Variants in KCNIP4 observed in about 807,000 individuals in gnomAD.
KCNIP4 encodes the protein potassium voltage-gated channel interacting protein 4.
Under a neutral mutation model 34.0 loss-of-function variants are expected in KCNIP4, and 12 were observed. That is an observed-to-expected ratio of 0.35 (90% CI 0.23 to 0.57). The LOEUF (loss-of-function observed/expected upper bound fraction) is 0.57. KCNIP4 is among the 20% of genes least tolerant of loss of function. The pLI, the probability that KCNIP4 is intolerant of heterozygous loss-of-function variation, is 0.83. For synonymous variants in KCNIP4, 124 were observed against 102.2 expected, an observed-to-expected ratio of 1.21 and a Z score of -1.29; for missense variants, 238 against 311.7, an observed-to-expected ratio of 0.76 and a Z score of 1.78.
chr4:21,699,868 G>T (rs1283020146), intron 1 of KCNIP4, among the ~76,000 whole-genome samples: 1 of 152,132 alleles, frequency 6.6e-6, no homozygotes, highest in Admixed American at 6.6e-5. Context: ...CTGCCAGGGA[G>T]CAAGAGTGGA....
At chr4:21,314,362 T>C (rs1475137923) in intron 1 of KCNIP4, among the ~76,000 whole-genome samples, 2 of 152,260 alleles carry the variant, frequency 1.3e-5, no homozygotes, top group East Asian at 3.9e-4. Flanking sequence ...ACCAAAATTA[T>C]GGTAGCAATA....
chr4:21,468,741 T>C (rs111748700), intron 1 of KCNIP4, among the ~76,000 whole-genome samples: 1 of 152,210 alleles, frequency 6.6e-6, no homozygotes. Context: ...TATTCAGATG[T>C]TGTGAAACTG....
intron 1 of KCNIP4, among the ~76,000 whole-genome samples, chr4:20,928,009 T>C (rs570354773): frequency 6.6e-6 from 1 of 152,026 alleles, no homozygotes; most frequent in Admixed American, 6.6e-5. Context: ...TGATAGAAAA[T>C]ACTAGAATAA....
intron 1 of KCNIP4, among the ~76,000 whole-genome samples, chr4:20,926,507 G>A (rs953189737): frequency 6.6e-6 from 1 of 152,188 alleles, no homozygotes; most frequent in Non-Finnish European, 1.5e-5. Flanking sequence ...GACACCTTCA[G>A]CTGCATTCAT....
At chr4:21,178,046 C>A (rs999431427) in intron 1 of KCNIP4, among the ~76,000 whole-genome samples, 7 of 152,028 alleles carry the variant, frequency 4.6e-5, no homozygotes, top group African/African-American at 1.7e-4. Flanking sequence ...TCAAAAACAT[C>A]TTTTTACTAT....
At position 21,632,947 on chromosome 4, in the gene KCNIP4, T is replaced by C. The variant is rs150256110; in HGVS notation, c.61+315624A>G. On this transcript the variant is annotated intron_variant, in intron 1 of 8. Coordinates refer to ENST00000382152, the MANE Select transcript of KCNIP4 (RefSeq NM_025221.6). ...TGTACATAACACAAAAATAATCTTA[T>C]ACTGAGGTTATATTTATGACAAGTT... Among the ~76,000 whole-genome samples, 4 of 152,314 alleles carry C rather than the reference T, an allele frequency of 2.6e-5. No homozygotes were observed. The East Asian group carries it at 5.8e-4, about 22-fold the overall frequency.
chr4:21,948,526 G>A (rs1174726043), intron 1 of KCNIP4, 45 bp downstream of exon 1: 2 of 1,586,830 alleles, frequency 1.3e-6, no homozygotes, highest in South Asian at 1.1e-5. Context: ...CGCGAGGGAA[G>A]GAGGGCGGAA....
chr4:21,623,707 G>A (rs1745135205), intron 1 of KCNIP4, among the ~76,000 whole-genome samples: 1 of 151,144 alleles, frequency 6.6e-6, no homozygotes, highest in Non-Finnish European at 1.5e-5. Context: ...GTTCTTTCTT[G>A]TTGGAGCATC....
intron 1 of KCNIP4, among the ~76,000 whole-genome samples, chr4:20,919,528 C>G (rs1480066327): frequency 1.3e-5 from 2 of 151,616 alleles, no homozygotes; most frequent in East Asian, 1.9e-4. Flanking sequence ...ATGGTGAAAC[C>G]CCATCTCTAC....
At chr4:20,894,952 C>T (rs1339812468) in intron 1 of KCNIP4, among the ~76,000 whole-genome samples, 2 of 152,184 alleles carry the variant, frequency 1.3e-5, no homozygotes, top group Non-Finnish European at 2.9e-5. Flanking sequence ...ATTATTTAAC[C>T]TTCACAAGAG....
chr4:21,459,998 T>G (rs1358540926), intron 1 of KCNIP4, among the ~76,000 whole-genome samples: 1 of 151,844 alleles, frequency 6.6e-6, no homozygotes, highest in Non-Finnish European at 1.5e-5. Context: ...CAAACGCAAA[T>G]TGGATGATAT....
At position 21,504,475 on chromosome 4, in the gene KCNIP4, A is replaced by AAAAAAAAAAAAGAAAGAAAG. The variant is rs1264431211; in HGVS notation, c.61+444095_61+444096insCTTTCTTTCTTTTTTTTTTT. On this transcript the variant is annotated intron_variant, in intron 1 of 8. Transcript: ENST00000382152. ...AGAATGACTCCAACTCAAAAAAAAA[A>AAAAAAAAAAAAGAAAGAAAG]AAAGAAAGAAAGAAAGAAAGAAAGA... is the stretch of plus-strand genomic sequence containing the variant. Among the ~76,000 whole-genome samples the AAAAAAAAAAAAGAAAGAAAG allele has an allele frequency of 7.4e-4, 75 of 101,850 alleles. 1 individual carries two copies. The highest frequency in any genetic ancestry group is 2.6e-3 in the African/African-American group (67 of 25,620). The allele number at this position is 101,850 out of a possible 152,430, so 66.8% of individuals were successfully genotyped here. A position where few individuals can be genotyped will look rare whatever the true frequency, so the allele number is the denominator to read the frequency against.
chr4:21,475,169 C>T (rs1446364953), intron 1 of KCNIP4, among the ~76,000 whole-genome samples: 3 of 152,100 alleles, frequency 2.0e-5, no homozygotes, highest in African/African-American at 4.8e-5. Context: ...TATATTCTTT[C>T]TAAAATACTG....
intron 1 of KCNIP4, among the ~76,000 whole-genome samples, chr4:21,122,439 T>C (rs1347718987): frequency 6.7e-6 from 1 of 148,746 alleles, no homozygotes; most frequent in Non-Finnish European, 1.5e-5. Flanking sequence ...GAAAGTGGGG[T>C]TAATTTTTGC....
At position 20,740,503 on chromosome 4, in the gene KCNIP4, C is replaced by A. The variant is rs186344649; in HGVS notation, c.430-5768G>T. Among the ~76,000 whole-genome samples the A allele has an allele frequency of 2.3e-3, 355 of 152,210 alleles. 8 individuals are homozygous for A. In the South Asian group the frequency reaches 0.046, roughly 20 times the overall value. On this transcript the variant is annotated intron_variant, in intron 5 of 8. Coordinates refer to ENST00000382152, the MANE Select transcript of KCNIP4 (RefSeq NM_025221.6). ...TTCATAAGTGAAGGAGAAATAAAATCCTTTACAGACAAGCAAATGCTGAGA... is the reference window on the plus strand; with the variant it reads ...TTCATAAGTGAAGGAGAAATAAAATACTTTACAGACAAGCAAATGCTGAGA...
intron 1 of KCNIP4, among the ~76,000 whole-genome samples, chr4:21,091,829 C>T (rs1181267253): frequency 6.6e-6 from 1 of 152,156 alleles, no homozygotes; most frequent in African/African-American, 2.4e-5. Flanking sequence ...CCCTCAAGAC[C>T]TGATTACCTC....
At chr4:21,885,004 GC>G (rs1484326159) in intron 1 of KCNIP4, among the ~76,000 whole-genome samples, 1 of 152,030 alleles carries the variant, frequency 6.6e-6, no homozygotes, top group East Asian at 1.9e-4. Context: ...GTCCTTCATG[GC>G]ACTTGTCACG....
At chr4:21,308,521 G>T (rs187175960) in intron 1 of KCNIP4, among the ~76,000 whole-genome samples, 20 of 152,330 alleles carry the variant, frequency 1.3e-4, no homozygotes. Context: ...GGGGCTGATA[G>T]CTGCTTGCTG....
At chr4:21,461,149 C>T (rs948964355) in intron 1 of KCNIP4, among the ~76,000 whole-genome samples, 1 of 151,884 alleles carries the variant, frequency 6.6e-6, no homozygotes, top group Non-Finnish European at 1.5e-5. Flanking sequence ...AGCACCATTG[C>T]CCTAGTGCTG....
Sources: gnomAD v4.1 joint callset for allele counts (sites outside exome capture counted in the v4.1 genomes callset) on GRCh38, gnomAD v4.1.1 for gene constraint, MANE v1.5 for transcripts, NCBI Gene and HGNC (gene_info 2026-07-23, HGNC 2026-07-21) for gene names.